Variants in PLB1 observed in about 807,000 individuals in gnomAD.
The protein encoded by PLB1 is phospholipase B1, membrane-associated.
PLB1 carries 242 observed loss-of-function variants against 227.4 expected under a neutral mutation model. The observed-to-expected ratio is 1.06, with a 90% confidence interval of 0.96 to 1.18. PLB1 has a LOEUF of 1.18. Ranked by LOEUF, PLB1 falls within the 50% of genes most tolerant of loss-of-function variation. The pLI is 0.00. For missense variants in PLB1, 1,858 were observed against 1,816.3 expected, an observed-to-expected ratio of 1.02 and a Z score of -0.42; for synonymous variants, 757 against 682.2, an observed-to-expected ratio of 1.11 and a Z score of -1.71.
chr2:28,606,456 A>G, intron 42 of PLB1, 40 bp from the exon 43 acceptor site: 1 of 1,584,816 alleles, frequency 6.3e-7, no homozygotes. Context: ...CCATGGAAAC[A>G]AACTACTACA....
chr2:28,628,460 C>A, intron 51 of PLB1, 103 bp from the exon 52 acceptor site: 1 of 1,000,174 alleles, frequency 1.0e-6, no homozygotes, highest in Non-Finnish European at 1.6e-6. Context: ...CCCCTCTGTA[C>A]CCACTCAGTC....
At chr2:28,547,219 A>AAAAG (rs1673425824) in intron 14 of PLB1, among the ~76,000 whole-genome samples, 1 of 88,098 alleles carries the variant, frequency 1.1e-5, no homozygotes, top group Non-Finnish European at 2.2e-5. Flanking sequence ...AAAAAAAAGA[A>AAAAG]AAAAAAAAAA....
rs545621332 is a variant in PLB1 at position 28,529,977 on chromosome 2, TTTTA to T, written c.468+218_468+221del. 3.9e-5 allele frequency among the ~76,000 whole-genome samples: 6 copies of T among 152,234 alleles called. No individual in the cohort carries two copies. In the East Asian group the frequency reaches 5.8e-4, roughly 15 times the overall value. On this transcript the variant is annotated intron_variant, in intron 8 of 57. Coordinates refer to ENST00000327757, the MANE Select transcript of PLB1 (RefSeq NM_153021.5). Reference sequence around the variant, plus strand: ...CCAATTCTTTTTTGTTGTTGTTTATTTTTATTTATTTATTTATTTATTTTGAGAC... The same window carrying T: ...CCAATTCTTTTTTGTTGTTGTTTATTTTTATTTATTTATTTATTTTGAGAC...
At chr2:28,540,493 G>T (rs370654197) in intron 12 of PLB1, 52 bp downstream of exon 12, 7 of 1,506,800 alleles carry the variant, frequency 4.6e-6, no homozygotes, top group Non-Finnish European at 6.4e-6. Context: ...TGGCGTGGTC[G>T]CCAAGGAGAA....
At chr2:28,621,650 TCA>T (rs1297977808) in intron 49 of PLB1, among the ~76,000 whole-genome samples, 1 of 152,188 alleles carries the variant, frequency 6.6e-6, no homozygotes, top group Non-Finnish European at 1.5e-5. Context: ...TATGCTCCGA[TCA>T]CCAGGGAAAC....
intron 17 of PLB1, among the ~76,000 whole-genome samples, chr2:28,558,180 GTC>G (rs1491076069): frequency 2.7e-5 from 4 of 147,572 alleles, no homozygotes; most frequent in Non-Finnish European, 4.5e-5. Flanking sequence ...GTGTGTGTGT[GTC>G]TATGTGTTTT....
chr2:28,496,202 T>C (rs1358728533), intron 1 of PLB1, 33 bp downstream of exon 1: 2 of 1,603,606 alleles, frequency 1.2e-6, no homozygotes, highest in African/African-American at 2.7e-5. Flanking sequence ...GGACAACCAG[T>C]GGTTTAGCCC....
At chr2:28,629,008 G>T in intron 52 of PLB1, 86 bp from the exon 53 acceptor site, 1 of 1,093,296 alleles carries the variant, frequency 9.1e-7, no homozygotes, top group Non-Finnish European at 1.3e-6. Context: ...AAAATTGAGG[G>T]GAGTGGGAAT....
Position 28,614,024 on chromosome 2 carries a change from C to A in PLB1, c.3130-7C>A. On this transcript the variant is annotated splice_polypyrimidine_tract_variant and splice_region_variant and intron_variant, in intron 43 of 57. Transcript: ENST00000327757. The stretch of plus-strand genomic sequence containing the variant: ...ATAACTTCTCCATGTGTTTTTTTTT[C>A]TCTTAGAATGAGCCCTTCCTGAGAA... 2 of 1,586,242 alleles carry A rather than the reference C, an allele frequency of 1.3e-6. No individual in the cohort carries two copies. Among genetic ancestry groups the A allele is most frequent in the Non-Finnish European group, 1.7e-6 (2 of 1,161,372 alleles).
intron 25 of PLB1, among the ~76,000 whole-genome samples, chr2:28,582,759 G>C (rs1264511064): frequency 6.6e-6 from 1 of 152,136 alleles, no homozygotes; most frequent in East Asian, 1.9e-4. Flanking sequence ...CAGCCACAAG[G>C]CACCCTCCAG....
At chr2:28,514,079 A>G (rs1668570576) in intron 1 of PLB1, among the ~76,000 whole-genome samples, 1 of 152,238 alleles carries the variant, frequency 6.6e-6, no homozygotes, top group African/African-American at 2.4e-5. Flanking sequence ...TGAGTATATT[A>G]GCTGTCATAA....
rs111976652 is a variant in PLB1, at chr2:28,582,078, C to T, written c.1577C>T (p.Ser526Phe). ...TTCCTCTTCCTGCAGGTCCACTATT[C>T]TCCCCAGAACTTCACAGACAACATT... is the stretch of plus-strand genomic sequence containing the variant. ...CDFCNDLVHYSPQNFTDNIGK... is the reference protein window; with the variant it reads ...CDFCNDLVHYFPQNFTDNIGK... Residue 526 changes from serine to phenylalanine, a missense_variant, in exon 24 of 58, where the codon TCT becomes TTT. By Grantham distance (155) the Ser-to-Phe change is radical. Coordinates refer to ENST00000327757, the MANE Select transcript of PLB1 (RefSeq NM_153021.5). The T allele has an allele frequency of 3.7e-6, 6 of 1,613,662 alleles. No homozygotes were observed. The African/African-American group carries it at 4.0e-5, about 11-fold the overall frequency.
chr2:28,548,960 C>G (rs754323525), intron 15 of PLB1, 29 bp downstream of exon 15: 78 of 1,609,010 alleles, frequency 4.8e-5, no homozygotes, highest in Middle Eastern at 1.7e-4. Context: ...AGGAGGGACT[C>G]TTATTGAATC....
chr2:28,529,120 GT>G (rs1670668088), intron 6 of PLB1, among the ~76,000 whole-genome samples, 196 bp from the exon 7 acceptor site: 1 of 151,728 alleles, frequency 6.6e-6, no homozygotes, highest in Non-Finnish European at 1.5e-5. Flanking sequence ...GCTGATTTTT[GT>G]TTTCATAGAG....
intron 49 of PLB1, among the ~76,000 whole-genome samples, chr2:28,624,790 A>G (rs1687509437): frequency 7.4e-4 from 1 of 1,350 alleles, no homozygotes; most frequent in East Asian, 0.026. Flanking sequence ...GAGGAAGTAT[A>G]AGGGAAAGTC....
chr2:28,623,419 C>T (rs1687313023), intron 49 of PLB1, among the ~76,000 whole-genome samples: 1 of 152,120 alleles, frequency 6.6e-6, no homozygotes, highest in African/African-American at 2.4e-5. Context: ...GGCTTATTGC[C>T]CATGGATTCT....
At chr2:28,541,963 T>C in intron 13 of PLB1, 152 bp downstream of exon 13, 2 of 639,274 alleles carry the variant, frequency 3.1e-6, no homozygotes, top group South Asian at 3.8e-5. Flanking sequence ...TGAAACCCTG[T>C]CTCTACTAAA....
chr2:28,565,387 C>G, intron 19 of PLB1, 34 bp downstream of exon 19: 2 of 1,572,778 alleles, frequency 1.3e-6, no homozygotes, highest in Non-Finnish European at 1.7e-6. Context: ...CCAAAGGCCC[C>G]TTCATTGCAG....
Position 28,626,483 on chromosome 2 carries a change from A to G in PLB1, c.3635A>G (p.Asp1212Gly). Residue 1212 changes from aspartate to glycine, a missense_variant, in exon 51 of 58, where the codon GAC becomes GGC. By Grantham distance (94) the Asp-to-Gly change is moderately conservative (BLOSUM62 -1). Transcript: ENST00000327757. Reference protein sequence around the residue: ...KLVTLFIGVNDLCHYCENPEA... With the variant: ...KLVTLFIGVNGLCHYCENPEA... ...GTCACACTCTTCATTGGGGTCAACG[A>G]CTTGTGTCATTACTGTGAGAATCCG... 1.2e-6 allele frequency: 2 copies of G among 1,614,092 alleles called. No individual in the cohort carries two copies. Among genetic ancestry groups the G allele is most frequent in the Admixed American group, 1.7e-5 (1 of 60,014 alleles).
Sources: gnomAD v4.1 joint callset for allele counts (sites outside exome capture counted in the v4.1 genomes callset) on GRCh38, gnomAD v4.1.1 for gene constraint, MANE v1.5 for transcripts, NCBI Gene and HGNC (gene_info 2026-07-23, HGNC 2026-07-21) for gene names.